The following TAFA1 variants were observed in gnomAD, a reference collection of about 807,000 sequenced individuals.
TAFA1 encodes chemokine-like protein TAFA-1.
Under a neutral mutation model 18.5 loss-of-function variants are expected in TAFA1, and 4 were observed. The ratio of observed to expected loss-of-function variants is 0.22; its 90% CI spans 0.11 to 0.49. TAFA1 has a LOEUF of 0.49. TAFA1 is among the 20% of genes least tolerant of loss of function. The pLI is 0.98. For synonymous variants in TAFA1, 56 were observed against 55.2 expected, an observed-to-expected ratio of 1.01 and a Z score of -0.06; for missense variants, 147 against 169.0, an observed-to-expected ratio of 0.87 and a Z score of 0.72.
intron 2 of TAFA1, among the ~76,000 whole-genome samples, chr3:68,303,181 A>G (rs1028675885): frequency 6.6e-6 from 1 of 152,168 alleles, no homozygotes; most frequent in African/African-American, 2.4e-5. Context: ...ACACAGATAA[A>G]TATTTCCAGA....
intron 2 of TAFA1, among the ~76,000 whole-genome samples, chr3:68,107,883 AC>A (rs1244187094): frequency 6.6e-6 from 1 of 152,142 alleles, no homozygotes. Flanking sequence ...TGTTGATTTT[AC>A]AGAGGCCCTT....
At chr3:68,256,253 C>T (rs943731348) in intron 2 of TAFA1, among the ~76,000 whole-genome samples, 3 of 152,198 alleles carry the variant, frequency 2.0e-5, no homozygotes, top group Admixed American at 2.0e-4. Flanking sequence ...GTTGTAAATA[C>T]ACTTCCTCAC....
chr3:68,454,724 TC>T (rs1322239016), intron 3 of TAFA1, among the ~76,000 whole-genome samples: 4 of 152,186 alleles, frequency 2.6e-5, no homozygotes, highest in Non-Finnish European at 5.9e-5. Flanking sequence ...ATTCTTCTAT[TC>T]TTCATTACAA....
chr3:68,232,110 A>T (rs2066879174), intron 2 of TAFA1, among the ~76,000 whole-genome samples: 1 of 152,148 alleles, frequency 6.6e-6, no homozygotes. Context: ...AATAAACAAT[A>T]AATAATTATT....
chr3:68,104,142 G>A (rs559235160), intron 2 of TAFA1, among the ~76,000 whole-genome samples: 1 of 152,086 alleles, frequency 6.6e-6, no homozygotes, highest in Non-Finnish European at 1.5e-5. Flanking sequence ...CTGTACTCAT[G>A]GCTACTTTAT....
chr3:68,048,728 T>A (rs2064427143), intron 2 of TAFA1, among the ~76,000 whole-genome samples: 1 of 152,172 alleles, frequency 6.6e-6, no homozygotes, highest in Non-Finnish European at 1.5e-5. Flanking sequence ...TTTCTTTGCC[T>A]GGCTTATTTC....
At chr3:68,294,466 T>C (rs2075268476) in intron 2 of TAFA1, among the ~76,000 whole-genome samples, 2 of 152,196 alleles carry the variant, frequency 1.3e-5, no homozygotes, top group African/African-American at 4.8e-5. Flanking sequence ...GTATCTATAT[T>C]CTGACAATAA....
chr3:68,350,054 A>G (rs1310535259), intron 2 of TAFA1, among the ~76,000 whole-genome samples: 1 of 152,168 alleles, frequency 6.6e-6, no homozygotes, highest in African/African-American at 2.4e-5. Context: ...TAAGGGTTGT[A>G]AACTGAACCG....
At chr3:68,412,311 T>C (rs917277118) in intron 2 of TAFA1, among the ~76,000 whole-genome samples, 1 of 151,726 alleles carries the variant, frequency 6.6e-6, no homozygotes, top group Non-Finnish European at 1.5e-5. Context: ...GTTGGCTCCT[T>C]GCTAGGTAAA....
intron 2 of TAFA1, among the ~76,000 whole-genome samples, chr3:68,113,324 T>C (rs1255477559): frequency 1.3e-5 from 2 of 152,198 alleles, no homozygotes; most frequent in Non-Finnish European, 2.9e-5. Context: ...AAAGTGATGA[T>C]CTTTTCCATA....
chr3:68,078,153 T>C (rs1422966141), intron 2 of TAFA1, among the ~76,000 whole-genome samples: 2 of 152,172 alleles, frequency 1.3e-5, no homozygotes, highest in Admixed American at 6.5e-5. Context: ...TTTTTGTACA[T>C]TGATTTTGTA....
At chr3:68,085,643 TTTTA>T (rs1198085467) in intron 2 of TAFA1, among the ~76,000 whole-genome samples, 5 of 152,204 alleles carry the variant, frequency 3.3e-5, no homozygotes, top group African/African-American at 1.2e-4. Context: ...TTGAAGTGGC[TTTTA>T]TTTGTTTTTG....
At chr3:68,106,518 A>G (rs1288012660) in intron 2 of TAFA1, among the ~76,000 whole-genome samples, 3 of 152,162 alleles carry the variant, frequency 2.0e-5, no homozygotes, top group Admixed American at 1.3e-4. Context: ...TAGCTAATAC[A>G]TATTTGTAAC....
At chr3:68,094,731 A>G (rs1386705826) in intron 2 of TAFA1, among the ~76,000 whole-genome samples, 1 of 152,022 alleles carries the variant, frequency 6.6e-6, no homozygotes, top group East Asian at 1.9e-4. Flanking sequence ...TGTAAAATAG[A>G]GATATGGCCA....
chr3:68,438,686 GC>G (rs910123498), intron 3 of TAFA1, among the ~76,000 whole-genome samples: 3 of 152,114 alleles, frequency 2.0e-5, no homozygotes, highest in African/African-American at 7.2e-5. Context: ...TCTCTGCCTT[GC>G]CCTCAGGTTG....
intron 3 of TAFA1, among the ~76,000 whole-genome samples, chr3:68,465,809 G>T (rs2071876235): frequency 1.3e-5 from 2 of 151,940 alleles, no homozygotes; most frequent in Admixed American, 1.3e-4. Context: ...ATTCCTAACT[G>T]AAAAATGTTG....
At chr3:68,137,938 T>A (rs1257283627) in intron 2 of TAFA1, among the ~76,000 whole-genome samples, 1 of 151,420 alleles carries the variant, frequency 6.6e-6, no homozygotes, top group Admixed American at 6.6e-5. Context: ...TAGCCAAATA[T>A]CCCAATTCTT....
At chr3:68,126,437 G>C (rs2065465818) in intron 2 of TAFA1, among the ~76,000 whole-genome samples, 1 of 152,214 alleles carries the variant, frequency 6.6e-6, no homozygotes. Flanking sequence ...CTTATATCTT[G>C]CCAGATTACA....
chr3:68,144,579 T>C (rs7626911), intron 2 of TAFA1, among the ~76,000 whole-genome samples: 17,607 of 152,278 alleles, frequency 0.12, 1,998 homozygotes, highest in African/African-American at 0.3. Flanking sequence ...ATTGTAATCA[T>C]GTAGCAAATG....
Sources: allele counts gnomAD v4.1 joint callset (sites outside exome capture counted in the v4.1 genomes callset), GRCh38; gene constraint gnomAD v4.1.1; transcripts MANE v1.5; gene names NCBI Gene and HGNC (gene_info 2026-07-23, HGNC 2026-07-21).